Variants in CHRD observed in about 807,000 individuals in gnomAD.
CHRD encodes chordin.
A neutral mutation model predicts 113.7 loss-of-function variants in CHRD; 69 were observed. The observed-to-expected ratio is 0.61, with a 90% CI of 0.50 to 0.74. The LOEUF (loss-of-function observed/expected upper bound fraction) is 0.74. Ranked by LOEUF, CHRD falls within the 30% of genes least tolerant of loss-of-function variation. The pLI, the probability that CHRD is intolerant of heterozygous loss-of-function variation, is 0.00. For missense variants in CHRD, 1,194 were observed against 1,295.8 expected, an observed-to-expected ratio of 0.92 and a Z score of 1.21; for synonymous variants, 561 against 540.8, an observed-to-expected ratio of 1.04 and a Z score of -0.52.
rs3749229 is a variant in CHRD at position 184,381,418 on chromosome 3, C to T, written c.382+54C>T. On this transcript the variant is annotated intron_variant, in intron 3 of 22. Coordinates refer to ENST00000204604, the Ensembl canonical transcript of CHRD. The surrounding 1 kb of genome is among the most constrained non-coding windows in gnomAD (Gnocchi z 4.7). Reference sequence around the variant, plus strand: ...GAGGCAGGGCCACGATACTAGGTCCCGGGCCACTTGGATGGGGCGTCGGAC... The same window carrying T: ...GAGGCAGGGCCACGATACTAGGTCCTGGGCCACTTGGATGGGGCGTCGGAC... The T allele has an allele frequency of 0.1, 163,053 of 1,598,224 alleles. 9,039 individuals are homozygous for T. Among genetic ancestry groups the T allele is most frequent in the East Asian group, 0.18 (8,086 of 44,356 alleles).
rs982301842 is a variant in CHRD at position 184,383,305 on chromosome 3, T to G, written c.1214-7T>G. Reference sequence around the variant, plus strand: ...AACCTAGCCTCACCTGTCTTGCCCCTCCGTAGTCCTGCAAAGTGTCCTTTG... The same window carrying G: ...AACCTAGCCTCACCTGTCTTGCCCCGCCGTAGTCCTGCAAAGTGTCCTTTG... On this transcript the variant is annotated splice_region_variant and splice_polypyrimidine_tract_variant and intron_variant, in intron 10 of 22. Coordinates refer to ENST00000204604, the Ensembl canonical transcript of CHRD. The G allele has an allele frequency of 2.3e-5, 37 of 1,612,370 alleles. No homozygotes were observed. Among genetic ancestry groups the G allele is most frequent in the Non-Finnish European group, 3.1e-5 (36 of 1,179,206 alleles).
chr3:184,388,672 A>C lies in CHRD; in HGVS notation c.2640A>C (p.Pro880=). 5.0e-6 allele frequency: 8 copies of C among 1,613,922 alleles called. No homozygotes were observed. Among genetic ancestry groups the C allele is most frequent in the Non-Finnish European group, 5.9e-6 (7 of 1,180,004 alleles). The change falls in exon 21 of 23, where the codon CCA becomes CCC. Residue 880 remains proline, a synonymous_variant. Transcript: ENST00000204604. The surrounding 1 kb of genome is among the most constrained non-coding windows in gnomAD (Gnocchi z 6.1). ...GCCGTTTTGCTGGGCAGTGGTTCCCAGAGAGTCAGAGCTGGCACCCCTCAG... is the reference window on the plus strand; with the variant it reads ...GCCGTTTTGCTGGGCAGTGGTTCCCCGAGAGTCAGAGCTGGCACCCCTCAG...
rs1716478389 is a variant in CHRD, at chr3:184,387,269, G to A, written c.2348-105G>A. On this transcript the variant is annotated intron_variant, in intron 18 of 22. Coordinates refer to ENST00000204604, the Ensembl canonical transcript of CHRD. The surrounding 1 kb of genome is among the most constrained non-coding windows in gnomAD (Gnocchi z 6.1). Reference sequence around the variant, plus strand: ...ATTAGTGTTACTGGCCCCCAGGTGGGCCCTTGGCTTAGGCTCGTGTGGGGG... The same window carrying A: ...ATTAGTGTTACTGGCCCCCAGGTGGACCCTTGGCTTAGGCTCGTGTGGGGG... The A allele has an allele frequency of 9.3e-6, 13 of 1,392,232 alleles. No homozygotes were observed. Among genetic ancestry groups the A allele is most frequent in the Non-Finnish European group, 1.2e-5 (12 of 1,010,066 alleles). The allele number at this position is 1,392,232 out of a possible 1,614,324, so 86.2% of individuals were successfully genotyped here. A position where few individuals can be genotyped will look rare whatever the true frequency, so the allele number is the denominator to read the frequency against.
intron 15 of CHRD, 94 bp from the exon 16 acceptor site, chr3:184,386,398 G>GT: frequency 6.7e-7 from 1 of 1,489,682 alleles, no homozygotes; most frequent in Non-Finnish European, 9.0e-7. Context: ...GCAGCGCTCA[G>GT]GGGGCCGAGG....
At chr3:184,389,972 G>C (rs1434172246), downstream of CHRD, 1 of 153,838 alleles carries the variant, frequency 6.5e-6, no homozygotes, top group African/African-American at 2.4e-5. Context: ...TAGCGTGGCA[G>C]TTGGCTGGCA....
intron 22 of CHRD, 109 bp from the exon 23 acceptor site, chr3:184,389,258 C>G: frequency 1.0e-6 from 1 of 982,490 alleles, no homozygotes; most frequent in South Asian, 1.5e-5. Context: ...TTAGAAAATA[C>G]TGGCCTTTCT....
At position 184,384,438 on chromosome 3, in the gene CHRD, G is replaced by A. The variant is rs1715965117; in HGVS notation, c.1441-99G>A. 3.1e-6 allele frequency: 4 copies of A among 1,310,838 alleles called. No individual in the cohort carries two copies. Among genetic ancestry groups the A allele is most frequent in the Non-Finnish European group, 3.9e-6 (4 of 1,013,964 alleles). The allele number at this position is 1,310,838 out of a possible 1,614,324, so 81.2% of individuals were successfully genotyped here. On this transcript the variant is annotated intron_variant, in intron 12 of 22. Coordinates refer to ENST00000204604, the Ensembl canonical transcript of CHRD. The surrounding 1 kb of genome is among the most constrained non-coding windows in gnomAD (Gnocchi z 4.4). Reference sequence around the variant, plus strand: ...CCTTATCCTGTGTTTCTGGTGTGTGGAAGTGTGTGTGGGTGGAGTGGGGGC... The same window carrying A: ...CCTTATCCTGTGTTTCTGGTGTGTGAAAGTGTGTGTGGGTGGAGTGGGGGC...
At chr3:184,382,966 A>G in intron 9 of CHRD, 28 bp downstream of exon 9, 1 of 1,613,394 alleles carries the variant, frequency 6.2e-7, no homozygotes. Flanking sequence ...TCTCGCTGCC[A>G]CCTGTCTTGG....
rs1471609316 is a variant in CHRD at position 184,380,672 on chromosome 3, A to T, written c.149-20A>T. Reference sequence around the variant, plus strand: ...CGGCGCGAGCTGGGCAGCGGCCTCCAGCCAAGCCCGTCCCCGCAGGCTGCA... The same window carrying T: ...CGGCGCGAGCTGGGCAGCGGCCTCCTGCCAAGCCCGTCCCCGCAGGCTGCA... On this transcript the variant is annotated intron_variant, in intron 1 of 22. Transcript: ENST00000204604. The surrounding 1 kb of genome is among the most constrained non-coding windows in gnomAD (Gnocchi z 6.3). 6.4e-7 allele frequency: 1 copy of T among 1,561,346 alleles called. No individual in the cohort carries two copies. The highest frequency in any genetic ancestry group is 1.8e-5 in the Admixed American group (1 of 54,770).
chr3:184,381,767 G>T lies in CHRD; in HGVS notation c.563G>T (p.Arg188Leu). 4 of 1,613,216 alleles carry T rather than the reference G, an allele frequency of 2.5e-6. No homozygotes were observed. Among genetic ancestry groups the T allele is most frequent in the Non-Finnish European group, 3.4e-6 (4 of 1,179,966 alleles). Residue 188 changes from arginine (R) to leucine (L), a missense_variant, in exon 5 of 23, where the codon CGA becomes CTA. By Grantham distance (102) the Arg-to-Leu change is moderately radical. Transcript: ENST00000204604. The surrounding 1 kb of genome is among the most constrained non-coding windows in gnomAD (Gnocchi z 4.7). ...AGGTCGCAGGCGGTGGCACGAGCCC[G>T]AGTCTCGCTGCTGCGCTCTAGCCTC... is the stretch of plus-strand genomic sequence containing the variant.
rs1340189816 is a variant in CHRD at position 184,388,112 on chromosome 3, A to G, written c.2554+79A>G. On this transcript the variant is annotated intron_variant, in intron 20 of 22. Transcript: ENST00000204604. The surrounding 1 kb of genome is among the most constrained non-coding windows in gnomAD (Gnocchi z 6.1). ...GTCCTGGGTGAGGGGAAGGGTGCTCAGTTAATTGAGCATTATACTGAGCAC... is the reference window on the plus strand; with the variant it reads ...GTCCTGGGTGAGGGGAAGGGTGCTCGGTTAATTGAGCATTATACTGAGCAC... 3.3e-6 allele frequency: 4 copies of G among 1,227,000 alleles called. No individual in the cohort carries two copies. Among genetic ancestry groups the G allele is most frequent in the Non-Finnish European group, 4.7e-6 (4 of 845,750 alleles). The allele number at this position is 1,227,000 out of a possible 1,614,324, so 76.0% of individuals were successfully genotyped here. A position where few individuals can be genotyped will look rare whatever the true frequency, so the allele number is the denominator to read the frequency against.
Position 184,384,702 on chromosome 3 carries a change from C to T in CHRD, c.1597+9C>T. The T allele has an allele frequency of 6.5e-7, 1 of 1,536,520 alleles. No individual in the cohort carries two copies. ...TAGCGCCCGCCATGACAGTGAGTGT[C>T]CTTAGGGGTCTGTCTGCCCTTTGGT... On this transcript the variant is annotated intron_variant, in intron 13 of 22. Transcript: ENST00000204604. This position sits in a 1 kb window ranked among gnomAD's most constrained non-coding sequence, Gnocchi z 4.4.
rs767829975 is a variant in CHRD, at chr3:184,388,945, G to A, written c.2762G>A (p.Gly921Asp). ...GACTGTTCACTGCCACTGTCCTGTG[G>A]CTCGGGGAAGGAGAGTCGATGCTGT... is the stretch of plus-strand genomic sequence containing the variant. Residue 921 changes from glycine (G) to aspartate (D), a missense_variant, in exon 22 of 23, where the codon GGC (glycine) becomes GAC (aspartate). Coordinates refer to ENST00000204604, the Ensembl canonical transcript of CHRD. The surrounding 1 kb of genome is among the most constrained non-coding windows in gnomAD (Gnocchi z 6.1). 1.2e-6 allele frequency: 2 copies of A among 1,613,176 alleles called. No homozygotes were observed. The highest frequency in any genetic ancestry group is 1.1e-5 in the South Asian group (1 of 91,080).
At chr3:184,389,576 A>C in exon 23 of CHRD, 1 of 665,552 alleles carries the variant, frequency 1.5e-6, no homozygotes, top group African/African-American at 1.8e-5. Context: ...TGGGAACCAC[A>C]GCTCCACAAG....
exon 11 of CHRD, chr3:184,383,366 C>T (rs201415609): frequency 1.2e-6 from 2 of 1,613,912 alleles, no homozygotes; most frequent in Non-Finnish European, 1.7e-6. Flanking sequence ...CAGACGGGTG[C>T]TGCCGGCTCA....
chr3:184,382,239 G>A (rs1487628073), intron 6 of CHRD, 150 bp from the exon 7 acceptor site: 1 of 1,316,806 alleles, frequency 7.6e-7, no homozygotes, highest in Non-Finnish European at 1.1e-6. Flanking sequence ...TGGAACCCAA[G>A]CATCTGGCTC....
chr3:184,382,052 A>G, intron 6 of CHRD, 32 bp downstream of exon 6: 1 of 1,611,630 alleles, frequency 6.2e-7, no homozygotes. Flanking sequence ...GCACTTGCCC[A>G]GTCTGGGCAC....
At position 184,380,956 on chromosome 3, in the gene CHRD, G is replaced by A; in HGVS notation, c.252+161G>A. ...GGGAATCAGCCCCTCCAATTCTTAG[G>A]TGCTGTTACTGATCGCCCACTCTGT... On this transcript the variant is annotated intron_variant, in intron 2 of 22. Transcript: ENST00000204604. This position sits in a 1 kb window ranked among gnomAD's most constrained non-coding sequence, Gnocchi z 6.3. 5.4e-6 allele frequency: 4 copies of A among 743,576 alleles called. No individual in the cohort carries two copies. The South Asian group carries it at 5.9e-5, about 11-fold the overall frequency. The allele number at this position is 743,576 out of a possible 1,614,324, so 46.1% of individuals were successfully genotyped here.
Sources: allele counts gnomAD v4.1 joint callset, GRCh38; gene constraint gnomAD v4.1.1; non-coding constraint Gnocchi (gnomAD v3.1); transcripts MANE v1.5; gene names NCBI Gene and HGNC (gene_info 2026-07-23, HGNC 2026-07-21).